LCA5L: variants seen among roughly 807,000 people sequenced by gnomAD.
LCA5L encodes lebercilin-like protein.
A neutral mutation model predicts 45.4 loss-of-function variants in LCA5L; 35 were observed. That is an observed-to-expected ratio of 0.77 (90% CI 0.59 to 1.02). The LOEUF (loss-of-function observed/expected upper bound fraction) is 1.02. LCA5L is among the 50% of genes least tolerant of loss of function. The pLI is 0.00. For synonymous variants in LCA5L, 233 were observed against 264.7 expected, an observed-to-expected ratio of 0.88 and a Z score of 1.16; for missense variants, 668 against 761.6, an observed-to-expected ratio of 0.88 and a Z score of 1.45.
chr21:39,408,166 C>CA (rs1424111685), intron 10 of LCA5L, among the ~76,000 whole-genome samples: 1 of 152,184 alleles, frequency 6.6e-6, no homozygotes, highest in African/African-American at 2.4e-5. Flanking sequence ...GGTAATGTAA[C>CA]ATGAAAACAA....
intron 2 of LCA5L, among the ~76,000 whole-genome samples, chr21:39,439,382 G>C (rs1252577440): frequency 6.6e-6 from 1 of 152,176 alleles, no homozygotes; most frequent in Non-Finnish European, 1.5e-5. Context: ...AAATAAATTT[G>C]TTTGAAGCCA....
At chr21:39,412,119 CACTA>C (rs2040192651) in intron 7 of LCA5L, among the ~76,000 whole-genome samples, 1 of 152,124 alleles carries the variant, frequency 6.6e-6, no homozygotes, top group African/African-American at 2.4e-5. Flanking sequence ...TTACAGTAGC[CACTA>C]ACTATATGTT....
At chr21:39,408,405 C>T (rs1488515840) in intron 10 of LCA5L, among the ~76,000 whole-genome samples, 1 of 152,104 alleles carries the variant, frequency 6.6e-6, no homozygotes, top group African/African-American at 2.4e-5. Flanking sequence ...AGAGAAGATC[C>T]AGTAGAGAAG....
At chr21:39,415,845 C>T (rs2041045158) in intron 7 of LCA5L, among the ~76,000 whole-genome samples, 1 of 152,172 alleles carries the variant, frequency 6.6e-6, no homozygotes. Context: ...ATGCTGCTGA[C>T]TGCATCCCAT....
chr21:39,412,932 C>T lies in LCA5L; in HGVS notation c.976-1130G>A, dbSNP rs556985251. 1.1e-4 allele frequency among the ~76,000 whole-genome samples: 17 copies of T among 152,312 alleles called. No homozygotes were observed. In the East Asian group the frequency reaches 3.3e-3, roughly 29 times the overall value. On this transcript the variant is annotated intron_variant, in intron 7 of 10. Transcript: ENST00000288350. ...AGTGGGACCTGTGGAGGGAGCTGCA[C>T]CTGCCCTGGAGTCCTTAAGGTTACA...
rs754317405 is a variant in LCA5L at position 39,428,275 on chromosome 21, A to G, written c.219T>C (p.Cys73=). 3 of 1,609,642 alleles carry G rather than the reference A, an allele frequency of 1.9e-6. No homozygotes were observed. The South Asian group carries it at 3.3e-5, about 18-fold the overall frequency. Residue 73 remains cysteine, a synonymous_variant, in exon 5 of 11, where the codon TGT becomes TGC. Coordinates refer to ENST00000288350, the MANE Select transcript of LCA5L (RefSeq NM_152505.4). ...SQYDYSEDFL[C]DCSEKAINRN... ...TATTAATAGCCTTTTCTGAACAATC[A>G]CAGAGAAAGTCTTCTGAATAATCAT...
In LCA5L at chr21:39,420,702, ATACCT is replaced by A; in HGVS notation, c.974_975+3del. The A allele has an allele frequency of 6.2e-7, 1 of 1,607,232 alleles. No homozygotes were observed. The highest frequency in any genetic ancestry group is 8.5e-7 in the Non-Finnish European group (1 of 1,174,960). Reference sequence around the variant, plus strand: ...ATTCTTACATTTTGTTTTAAAAGAAATACCTTAAGTTTTTGTTGAAGGTGTTTTAC... The same window carrying A: ...ATTCTTACATTTTGTTTTAAAAGAAATAAGTTTTTGTTGAAGGTGTTTTAC... On this transcript the variant is annotated splice_donor_variant and splice_donor_region_variant and coding_sequence_variant and intron_variant, in exon 7 of 11. Transcript: ENST00000288350. LOFTEE classifies it high-confidence loss of function.
At chr21:39,421,964 T>G (rs1184562879) in intron 6 of LCA5L, 1 of 152,216 alleles carries the variant, frequency 6.6e-6, no homozygotes, top group African/African-American at 2.4e-5. Context: ...AAAACAGATT[T>G]GCTTTTACAT....
intron 1 of LCA5L, among the ~76,000 whole-genome samples, 196 bp from the exon 2 acceptor site, chr21:39,444,397 T>C (rs1214352350): frequency 6.6e-6 from 1 of 152,232 alleles, no homozygotes; most frequent in African/African-American, 2.4e-5. Flanking sequence ...GTTAGCAGGA[T>C]GCTTATATGG....
chr21:39,414,742 C>CTCTCTCTGTG (rs1341489035), intron 7 of LCA5L, among the ~76,000 whole-genome samples: 22 of 99,178 alleles, frequency 2.2e-4, no homozygotes, highest in African/African-American at 8.8e-4. Context: ...CTCTCTCTCT[C>CTCTCTCTGTG]TGTGTGTGTG....
At chr21:39,416,295 G>A (rs1354323293) in intron 7 of LCA5L, among the ~76,000 whole-genome samples, 1 of 152,122 alleles carries the variant, frequency 6.6e-6, no homozygotes, top group African/African-American at 2.4e-5. Context: ...TATGAAGTGT[G>A]GATTCATTTG....
rs1476847123 is a variant in LCA5L at position 39,423,443 on chromosome 21, G to C, written c.370C>G (p.Leu124Val). ...VEKKHTWNASLFNSQIHMIAQ... is the reference protein window; with the variant it reads ...VEKKHTWNASVFNSQIHMIAQ... ...ATCATATGGATTTGAGAATTAAAGA[G>C]TGATGCATTCCAGGTGTGCTTTTTT... Residue 124 changes from leucine (L) to valine (V), a missense_variant, in exon 6 of 11, where the codon CTC (leucine) becomes GTC (valine). Leu to Val is a conservative substitution (Grantham distance 32). Coordinates refer to ENST00000288350, the MANE Select transcript of LCA5L (RefSeq NM_152505.4). 6.3e-7 allele frequency: 1 copy of C among 1,589,294 alleles called. No homozygotes were observed. The highest frequency in any genetic ancestry group is 1.8e-5 in the Admixed American group (1 of 56,750).
chr21:39,412,660 C>G (rs2040312947), intron 7 of LCA5L, among the ~76,000 whole-genome samples: 1 of 152,094 alleles, frequency 6.6e-6, no homozygotes, highest in Admixed American at 6.6e-5. Flanking sequence ...TCTCCTTGTG[C>G]CCCTTAGGGT....
chr21:39,429,654 T>C (rs1183107023), intron 3 of LCA5L, among the ~76,000 whole-genome samples: 1 of 152,188 alleles, frequency 6.6e-6, no homozygotes, highest in Admixed American at 6.5e-5. Context: ...AATTTCTCTT[T>C]CCAGACACAT....
chr21:39,411,759 C>T lies in LCA5L; in HGVS notation c.1019G>A (p.Arg340Gln), dbSNP rs750728282. 9.4e-6 allele frequency: 15 copies of T among 1,589,224 alleles called. No homozygotes were observed. The highest frequency in any genetic ancestry group is 6.8e-5 in the Admixed American group (4 of 58,750). Reference protein sequence around the residue: ...ELEIKNIYSHRILKNLHDTED... With the variant: ...ELEIKNIYSHQILKNLHDTED... ...TGTGTCATGTAAATTTTTAAGTATT[C>T]GATGACTATAGATGTTTTTAATTTC... The change falls in exon 8 of 11, where the codon CGA becomes CAA. Residue 340 changes from arginine (R) to glutamine (Q), a missense_variant. Arg to Gln is a conservative substitution (Grantham distance 43). Transcript: ENST00000288350.
In LCA5L at chr21:39,417,956, T is replaced by C. The variant is rs533651029; in HGVS notation, c.975+2750A>G. ...AATTTTTTGTATTTTTTAGTAGAGA[T>C]GGGGTTTCGCCGTGTTTGCCAGGAT... On this transcript the variant is annotated intron_variant, in intron 7 of 10. Transcript: ENST00000288350. 8.2e-4 allele frequency among the ~76,000 whole-genome samples: 125 copies of C among 152,192 alleles called. 1 individual carries two copies. Among genetic ancestry groups the C allele is most frequent in the Non-Finnish European group, 1.1e-3 (75 of 67,990 alleles).
At chr21:39,422,210 G>T (rs1238123109) in intron 6 of LCA5L, 1 of 152,166 alleles carries the variant, frequency 6.6e-6, no homozygotes, top group African/African-American at 2.4e-5. Flanking sequence ...GAAAATACTC[G>T]TGTTTCAGCA....
chr21:39,428,598 A>ATATATATATATATATATATATATATTT (rs1242243392), intron 4 of LCA5L, 95 bp from the exon 5 acceptor site: 1 of 32,034 alleles, frequency 3.1e-5, no homozygotes, highest in Non-Finnish European at 5.8e-5. Context: ...ATATATATAT[A>ATATATATATATATATATATATATATTT]TTTTTTTTTT....
rs200052972 is a variant in LCA5L at position 39,410,371 on chromosome 21, T to A, written c.1061-4A>T. On this transcript the variant is annotated splice_polypyrimidine_tract_variant and splice_region_variant and intron_variant, in intron 8 of 10. Coordinates refer to ENST00000288350, the MANE Select transcript of LCA5L (RefSeq NM_152505.4). ...TGGACTGATTTTGTTGAAGAAACTA[T>A]GGAACAGGTAGATTATATGTAAGAA... The A allele has an allele frequency of 2.0e-6, 3 of 1,500,062 alleles. No individual in the cohort carries two copies. The African/African-American group carries it at 4.2e-5, about 21-fold the overall frequency. The allele number at this position is 1,500,062 out of a possible 1,614,324, so 92.9% of individuals were successfully genotyped here.
Sources: allele counts gnomAD v4.1 joint callset (sites outside exome capture counted in the v4.1 genomes callset), GRCh38; gene constraint gnomAD v4.1.1; transcripts MANE v1.5; gene names NCBI Gene and HGNC (gene_info 2026-07-23, HGNC 2026-07-21).